The following CDC14B variants were observed in gnomAD, a reference collection of about 807,000 sequenced individuals.
CDC14B encodes cell division cycle 14B.
Under a neutral mutation model 64.2 loss-of-function variants are expected in CDC14B, and 22 were observed. That is an observed-to-expected ratio of 0.34 (90% CI 0.24 to 0.49). CDC14B has a LOEUF of 0.49. CDC14B is among the 20% of genes least tolerant of loss of function. The pLI is 0.99. For synonymous variants in CDC14B, 191 were observed against 215.8 expected (o/e 0.89, Z 1.01); for missense variants, 498 against 629.9 (o/e 0.79, Z 2.24).
chr9:96,598,586 C>T (rs924164792), intron 1 of CDC14B, among the ~76,000 whole-genome samples: 10 of 152,252 alleles, frequency 6.6e-5, no homozygotes, highest in Admixed American at 5.9e-4. Flanking sequence ...CCACCTGCCT[C>T]GGCCTCCCAA....
chr9:96,528,149 T>C (rs980930845), intron 9 of CDC14B, among the ~76,000 whole-genome samples: 3 of 152,254 alleles, frequency 2.0e-5, no homozygotes, highest in Non-Finnish European at 4.4e-5. Flanking sequence ...TGTTGTATGA[T>C]ATAGCACATT....
chr9:96,551,283 AT>A, intron 5 of CDC14B, among the ~76,000 whole-genome samples: 1 of 151,206 alleles, frequency 6.6e-6, no homozygotes, highest in Non-Finnish European at 1.5e-5. Context: ...CGCCTGGCTA[AT>A]TTTTTTTAAA....
At chr9:96,544,536 C>T (rs959712643) in intron 5 of CDC14B, among the ~76,000 whole-genome samples, 1 of 152,108 alleles carries the variant, frequency 6.6e-6, no homozygotes, top group South Asian at 2.1e-4. Context: ...ACTATGTTGC[C>T]CAGGCTGGAG....
intron 9 of CDC14B, among the ~76,000 whole-genome samples, chr9:96,531,422 C>T (rs568859071): frequency 1.1e-3 from 164 of 152,268 alleles, no homozygotes; most frequent in African/African-American, 3.7e-3. Context: ...TGTTGTCCTA[C>T]AATACTGATC....
intron 4 of CDC14B, among the ~76,000 whole-genome samples, chr9:96,555,363 C>T (rs1034738128): frequency 5.3e-5 from 8 of 152,172 alleles, no homozygotes; most frequent in Non-Finnish European, 8.8e-5. Flanking sequence ...TGCCAGCAAT[C>T]GGCACTAACC....
intron 1 of CDC14B, among the ~76,000 whole-genome samples, chr9:96,571,961 TTCAACACACTTG>T (rs1409323751): frequency 6.6e-6 from 1 of 151,754 alleles, no homozygotes; most frequent in Non-Finnish European, 1.5e-5. Context: ...CCAATCATAT[TTCAACACACTTG>T]TCCATCCTTC....
At chr9:96,596,487 A>C (rs1846086841) in intron 1 of CDC14B, among the ~76,000 whole-genome samples, 1 of 152,136 alleles carries the variant, frequency 6.6e-6, no homozygotes, top group Admixed American at 6.6e-5. Flanking sequence ...CTAATGGCAG[A>C]TAAGACATAA....
intron 9 of CDC14B, among the ~76,000 whole-genome samples, chr9:96,528,686 A>T (rs912257292): frequency 1.3e-5 from 2 of 152,196 alleles, no homozygotes; most frequent in Non-Finnish European, 2.9e-5. Context: ...TTTCCATAGC[A>T]GCTGCATTGT....
At chr9:96,492,019 T>A (rs927286971) in exon 14 of CDC14B, 2 of 152,736 alleles carry the variant, frequency 1.3e-5, no homozygotes, top group Admixed American at 6.6e-5. Context: ...AGCATGCCGT[T>A]GGGACAGTCA....
chr9:96,573,020 G>A (rs1380202748), intron 1 of CDC14B, among the ~76,000 whole-genome samples: 7 of 152,170 alleles, frequency 4.6e-5, no homozygotes, highest in Admixed American at 2.0e-4. Flanking sequence ...AAAAAATACA[G>A]ACACGAAGCC....
intron 5 of CDC14B, among the ~76,000 whole-genome samples, chr9:96,544,438 G>C (rs1840516171): frequency 6.6e-6 from 1 of 152,156 alleles, no homozygotes; most frequent in Non-Finnish European, 1.5e-5. Flanking sequence ...CAATGTTACT[G>C]ACTGAGCTGC....
chr9:96,608,200 C>T (rs957812896), intron 1 of CDC14B, among the ~76,000 whole-genome samples: 2 of 152,158 alleles, frequency 1.3e-5, no homozygotes, highest in Non-Finnish European at 1.5e-5. Flanking sequence ...GACTATCAAA[C>T]GCACTCAAAC....
chr9:96,507,043 C>G (rs1479951024), intron 13 of CDC14B, among the ~76,000 whole-genome samples: 1 of 152,188 alleles, frequency 6.6e-6, no homozygotes, highest in African/African-American at 2.4e-5. Flanking sequence ...CCTGTAATCC[C>G]AGCACTTTGG....
Position 96,553,502 on chromosome 9 carries a change from G to C in CDC14B, c.421-1630C>G, listed in dbSNP as rs572545222. On this transcript the variant is annotated intron_variant, in intron 4 of 13. Coordinates refer to ENST00000375241, the MANE Select transcript of CDC14B (RefSeq NM_033331.4). ...ACCTCCCGAGTAGCTGGAACTATAG[G>C]CGTGCACCACCACGCCTGGCTAGTT... 3.9e-5 allele frequency among the ~76,000 whole-genome samples: 6 copies of C among 151,928 alleles called. No homozygotes were observed. The South Asian group carries it at 1.2e-3, about 32-fold the overall frequency.
rs969394422 is a variant in CDC14B, at chr9:96,575,162, T to C, written c.161-9679A>G. ...AGGCACTATTCTACACAATCACCCA[T>C]GGATCCGGGGTGTTGAAGGCTCTAC... On this transcript the variant is annotated intron_variant, in intron 1 of 13. Transcript: ENST00000375241. 3.7e-4 allele frequency among the ~76,000 whole-genome samples: 57 copies of C among 152,340 alleles called. 1 individual carries two copies. The Middle Eastern group carries it at 0.024, about 64-fold the overall frequency.
intron 1 of CDC14B, among the ~76,000 whole-genome samples, chr9:96,579,318 T>C (rs908438102): frequency 2.0e-5 from 3 of 151,918 alleles, no homozygotes; most frequent in African/African-American, 7.2e-5. Context: ...CCAGGCGCAG[T>C]GGCTCACGCC....
chr9:96,618,871 A>G, intron 1 of CDC14B: 1 of 329,476 alleles, frequency 3.0e-6, no homozygotes, highest in Non-Finnish European at 5.7e-6. Context: ...TGAAGGCGGA[A>G]TCCACAGGAA....
chr9:96,611,989 A>G (rs1448790833), intron 1 of CDC14B, among the ~76,000 whole-genome samples: 1 of 152,212 alleles, frequency 6.6e-6, no homozygotes, highest in African/African-American at 2.4e-5. Flanking sequence ...CTTAGCTGCA[A>G]TTTAATATTA....
chr9:96,598,852 C>A (rs1280724016), intron 1 of CDC14B, among the ~76,000 whole-genome samples: 1 of 152,162 alleles, frequency 6.6e-6, no homozygotes, highest in African/African-American at 2.4e-5. Flanking sequence ...AAACAATCCA[C>A]ATGAGTATCA....
Sources: allele counts gnomAD v4.1 joint callset (sites outside exome capture counted in the v4.1 genomes callset), GRCh38; gene constraint gnomAD v4.1.1; transcripts MANE v1.5; gene names NCBI Gene and HGNC (gene_info 2026-07-23, HGNC 2026-07-21).